The following CREBRF variants were observed in gnomAD, a reference collection of about 807,000 sequenced individuals.
CREBRF encodes the protein UPF0474 protein C5orf41.
CREBRF carries 5 observed loss-of-function variants against 66.1 expected under a neutral mutation model. That is an observed-to-expected ratio of 0.08 (90% CI 0.04 to 0.16). The LOEUF (loss-of-function observed/expected upper bound fraction) is 0.16, where lower values mean the gene tolerates loss of function less well. Among genes scored for constraint, CREBRF ranks in the 10% least tolerant of loss-of-function variants. CREBRF has a pLI of 1.00. For missense variants in CREBRF, 531 were observed against 744.9 expected (o/e 0.71, Z 3.34); for synonymous variants, 229 against 264.4 (o/e 0.87, Z 1.30).
At chr5:173,115,786 A>G (rs970107341) in intron 7 of CREBRF, among the ~76,000 whole-genome samples, 3 of 151,814 alleles carry the variant, frequency 2.0e-5, no homozygotes, top group Admixed American at 6.6e-5. Context: ...ATTTTTTTGT[A>G]TTTTTAGTAG....
intron 4 of CREBRF, among the ~76,000 whole-genome samples, chr5:173,105,073 T>A (rs1758716388): frequency 6.6e-6 from 1 of 152,148 alleles, no homozygotes; most frequent in East Asian, 1.9e-4. Flanking sequence ...TCCATGAGCA[T>A]TTTAGTTCGT....
At chr5:173,064,736 G>C (rs1053514073) in intron 1 of CREBRF, among the ~76,000 whole-genome samples, 5 of 151,894 alleles carry the variant, frequency 3.3e-5, no homozygotes, top group African/African-American at 1.2e-4. Context: ...AGCTAATTTT[G>C]TATTTTTAGT....
At chr5:173,074,432 A>G (rs1314037031) in intron 1 of CREBRF, among the ~76,000 whole-genome samples, 1 of 152,132 alleles carries the variant, frequency 6.6e-6, no homozygotes, top group Non-Finnish European at 1.5e-5. Flanking sequence ...ACAAAATTGT[A>G]ACTGAGAGTT....
chr5:173,124,197 A>G (rs1345039515), intron 8 of CREBRF: 2 of 152,006 alleles, frequency 1.3e-5, no homozygotes, highest in East Asian at 1.9e-4. Flanking sequence ...CTCAACTCGT[A>G]TTTTCTTTCC....
intron 2 of CREBRF, among the ~76,000 whole-genome samples, chr5:173,081,043 T>C (rs1367429349): frequency 6.6e-6 from 1 of 152,222 alleles, no homozygotes; most frequent in East Asian, 1.9e-4. Context: ...GCTGGCTTTA[T>C]GGGGCAAAAC....
At chr5:173,065,588 C>T (rs1757410487) in intron 1 of CREBRF, among the ~76,000 whole-genome samples, 1 of 150,686 alleles carries the variant, frequency 6.6e-6, no homozygotes, top group African/African-American at 2.4e-5. Context: ...GTTTATTTCA[C>T]CTCCCACCCT....
chr5:173,113,915 AGT>A (rs1326148533), intron 7 of CREBRF, among the ~76,000 whole-genome samples: 2 of 152,168 alleles, frequency 1.3e-5, no homozygotes, highest in Non-Finnish European at 2.9e-5. Context: ...GTGTTATAAG[AGT>A]GTATTCCTTT....
chr5:173,080,552 A>T, intron 1 of CREBRF, 33 bp from the exon 2 acceptor site: 1 of 541,554 alleles, frequency 1.8e-6, no homozygotes. Flanking sequence ...TTTTTCCTGG[A>T]ATTCAGTGAA....
chr5:173,068,290 C>T (rs1310578776), intron 1 of CREBRF, among the ~76,000 whole-genome samples: 2 of 152,158 alleles, frequency 1.3e-5, no homozygotes, highest in East Asian at 3.9e-4. Flanking sequence ...GCTATGTTTT[C>T]TCAGCAGTTG....
chr5:173,130,439 A>G (rs1759395209), intron 8 of CREBRF, among the ~76,000 whole-genome samples: 1 of 152,116 alleles, frequency 6.6e-6, no homozygotes. Context: ...TTTTAATCCT[A>G]TAGAAAAGGA....
At chr5:173,093,469 A>G (rs1272819397) in intron 4 of CREBRF, among the ~76,000 whole-genome samples, 1 of 152,182 alleles carries the variant, frequency 6.6e-6, no homozygotes, top group Admixed American at 6.5e-5. Flanking sequence ...GTAGGGTGGT[A>G]AGAACATTTA....
chr5:173,131,400 G>T (rs1338168613), intron 8 of CREBRF, among the ~76,000 whole-genome samples: 11 of 151,898 alleles, frequency 7.2e-5, no homozygotes, highest in Admixed American at 2.6e-4. Context: ...GCATTTTTTT[G>T]TGTGTGTGAT....
At chr5:173,087,985 G>A (rs2113729961) in intron 3 of CREBRF, among the ~76,000 whole-genome samples, 1 of 151,386 alleles carries the variant, frequency 6.6e-6, no homozygotes, top group African/African-American at 2.4e-5. Flanking sequence ...CACCACACCC[G>A]GCTAATTTTT....
At chr5:173,060,303 G>T (rs1403727957) in intron 1 of CREBRF, 2 of 150,300 alleles carry the variant, frequency 1.3e-5, no homozygotes, top group East Asian at 3.9e-4. Flanking sequence ...TGATCCTGGC[G>T]CACTGCAACC....
At chr5:173,113,331 C>T (rs114464004) in intron 7 of CREBRF, among the ~76,000 whole-genome samples, 5,667 of 149,952 alleles carry the variant, frequency 0.038, 134 homozygotes, top group South Asian at 0.092. Context: ...CTTTTTGAGA[C>T]GGAGTCTCGC....
intron 4 of CREBRF, among the ~76,000 whole-genome samples, chr5:173,103,899 C>CT (rs1246262179): frequency 2.6e-5 from 4 of 152,052 alleles, no homozygotes; most frequent in Admixed American, 2.0e-4. Context: ...GTATTTGTTA[C>CT]TTTTTTTGGT....
chr5:173,078,947 T>C lies in CREBRF; in HGVS notation c.-191-1638T>C, dbSNP rs1721712654. 2.7e-5 allele frequency among the ~76,000 whole-genome samples: 4 copies of C among 147,834 alleles called. No homozygotes were observed. The South Asian group carries it at 8.3e-4, about 31-fold the overall frequency. ...TATTGAACACATGACTTGAATTAGATGCCTTTAGGGAGGCCTAAGTCATAG... is the reference window on the plus strand; with the variant it reads ...TATTGAACACATGACTTGAATTAGACGCCTTTAGGGAGGCCTAAGTCATAG... On this transcript the variant is annotated intron_variant, in intron 1 of 8. Coordinates refer to ENST00000296953, the MANE Select transcript of CREBRF (RefSeq NM_153607.3).
intron 2 of CREBRF, among the ~76,000 whole-genome samples, chr5:173,081,784 G>T (rs900579986): frequency 6.6e-6 from 1 of 151,962 alleles, no homozygotes; most frequent in Non-Finnish European, 1.5e-5. Context: ...GCTGAGTGTG[G>T]TGGCACACAC....
chr5:173,078,651 C>T (rs901204990), intron 1 of CREBRF, among the ~76,000 whole-genome samples: 6 of 151,444 alleles, frequency 4.0e-5, no homozygotes, highest in South Asian at 2.1e-4. Flanking sequence ...CTCTGCCTCC[C>T]GGGTTCACAC....
Sources: allele counts gnomAD v4.1 joint callset (sites outside exome capture counted in the v4.1 genomes callset), GRCh38; gene constraint gnomAD v4.1.1; transcripts MANE v1.5; gene names NCBI Gene and HGNC (gene_info 2026-07-23, HGNC 2026-07-21).